The following ARHGEF10L variants were observed in gnomAD, a reference collection of about 807,000 sequenced individuals.
ARHGEF10L encodes the protein Rho guanine nucleotide exchange factor 10 like, also known as rho guanine nucleotide exchange factor 10-like protein.
A neutral mutation model predicts 141.2 loss-of-function variants in ARHGEF10L; 69 were observed. The observed-to-expected ratio is 0.49, with a 90% CI of 0.40 to 0.60. The LOEUF (loss-of-function observed/expected upper bound fraction) is 0.60. ARHGEF10L is among the 20% of genes least tolerant of loss of function. The probability of loss-of-function intolerance (pLI) is 0.00; values close to 1 mark genes in which losing one functional copy is unlikely to be tolerated. For missense variants in ARHGEF10L, 1,482 were observed against 1,734.3 expected, an observed-to-expected ratio of 0.85 and a Z score of 2.58; for synonymous variants, 711 against 718.5, an observed-to-expected ratio of 0.99 and a Z score of 0.17.
At chr1:17,527,576 G>T in the ARHGEF10L span, among the ~76,000 whole-genome samples, 1 of 152,108 alleles carries the variant, frequency 6.6e-6, no homozygotes, top group Admixed American at 6.6e-5. Context: ...GATTGAGCAG[G>T]TTAAATTCCC....
At chr1:17,629,711 C>G (rs968578045) in intron 15 of ARHGEF10L, among the ~76,000 whole-genome samples, 1 of 152,166 alleles carries the variant, frequency 6.6e-6, no homozygotes, top group African/African-American at 2.4e-5. Context: ...TCAGCCATCC[C>G]CCACACAAGC....
chr1:17,572,435 C>T (rs2078042186), intron 1 of ARHGEF10L, among the ~76,000 whole-genome samples: 1 of 152,134 alleles, frequency 6.6e-6, no homozygotes, highest in Non-Finnish European at 1.5e-5. Flanking sequence ...AGTTCCTGCC[C>T]AGGGCTGGGC....
intron 22 of ARHGEF10L, among the ~76,000 whole-genome samples, chr1:17,649,602 A>G (rs567013019): frequency 1.3e-5 from 2 of 152,322 alleles, no homozygotes; most frequent in African/African-American, 4.8e-5. Context: ...CTGGGAATAC[A>G]GTGGTGACTA....
Position 17,627,362 on chromosome 1 carries a change from G to A in ARHGEF10L, c.1443G>A (p.Pro481=), listed in dbSNP as rs767573177. 9 of 1,613,966 alleles carry A rather than the reference G, an allele frequency of 5.6e-6. No homozygotes were observed. Among genetic ancestry groups the A allele is most frequent in the Admixed American group, 1.7e-5 (1 of 60,008 alleles). Residue 481 remains proline (P), a synonymous_variant, in exon 15 of 29, where the codon CCG becomes CCA. Coordinates refer to ENST00000361221, the MANE Select transcript of ARHGEF10L (RefSeq NM_018125.4). This position sits in a 1 kb window ranked among gnomAD's most constrained non-coding sequence, Gnocchi z 4.0. ...TGAAGAACACCCCCAGGGGCCATCCGGACAGGCTGTCGCTGCAGCTGGCCC... is the reference window on the plus strand; with the variant it reads ...TGAAGAACACCCCCAGGGGCCATCCAGACAGGCTGTCGCTGCAGCTGGCCC... ...DMLKNTPRGH[P]DRLSLQLALT...
intron 27 of ARHGEF10L, chr1:17,689,778 A>G: frequency 2.2e-6 from 1 of 455,898 alleles, no homozygotes; most frequent in South Asian, 1.6e-5. Context: ...AGAAATGGAT[A>G]ATCTCATGGG....
rs1225566836 is a variant in ARHGEF10L at position 17,627,304 on chromosome 1, G to A, written c.1411-26G>A. 6.2e-7 allele frequency: 1 copy of A among 1,606,272 alleles called. No individual in the cohort carries two copies. The highest frequency in any genetic ancestry group is 1.1e-5 in the South Asian group (1 of 90,634). On this transcript the variant is annotated intron_variant, in intron 14 of 28. Coordinates refer to ENST00000361221, the MANE Select transcript of ARHGEF10L (RefSeq NM_018125.4). This position sits in a 1 kb window ranked among gnomAD's most constrained non-coding sequence, Gnocchi z 4.0. The stretch of plus-strand genomic sequence containing the variant: ...GGGTAGAGTTGGTCATGGGTGGGCT[G>A]CTCAGTCTCTGCTCTGACCTGGCAG...
intron 1 of ARHGEF10L, among the ~76,000 whole-genome samples, chr1:17,551,674 C>T (rs1013930480): frequency 6.6e-6 from 1 of 152,154 alleles, no homozygotes; most frequent in Non-Finnish European, 1.5e-5. Context: ...AAAAGGCTCT[C>T]GATTCCTAGG....
At chr1:17,689,889 G>A (rs1440406676) in intron 27 of ARHGEF10L, 13 of 455,442 alleles carry the variant, frequency 2.9e-5, no homozygotes, top group Middle Eastern at 3.2e-4. Context: ...GACAGACCTG[G>A]CTGTAGTTAG....
At chr1:17,695,700 C>G (rs2065445870) in intron 28 of ARHGEF10L, among the ~76,000 whole-genome samples, 1 of 152,228 alleles carries the variant, frequency 6.6e-6, no homozygotes, top group South Asian at 2.1e-4. Context: ...AGAGGAAGGT[C>G]TGCTCTGATC....
chr1:17,655,467 CCA>C (rs879518464), intron 23 of ARHGEF10L, among the ~76,000 whole-genome samples: 17,720 of 151,822 alleles, frequency 0.12, 1,292 homozygotes, highest in Non-Finnish European at 0.16. Context: ...ATCCATCCAT[CCA>C]TCCATCCATC....
At chr1:17,542,803 A>C (rs1347600305) in intron 1 of ARHGEF10L, among the ~76,000 whole-genome samples, 1 of 152,198 alleles carries the variant, frequency 6.6e-6, no homozygotes, top group African/African-American at 2.4e-5. Flanking sequence ...TGACTGTCGA[A>C]GGTCACTGCT....
intron 15 of ARHGEF10L, among the ~76,000 whole-genome samples, chr1:17,629,558 A>C (rs574362633): frequency 6.6e-6 from 1 of 151,926 alleles, no homozygotes; most frequent in African/African-American, 2.4e-5. Flanking sequence ...AGTTTATTTT[A>C]CCTGCTCCAG....
chr1:17,641,083 C>T (rs911786938), intron 21 of ARHGEF10L, among the ~76,000 whole-genome samples: 14 of 152,298 alleles, frequency 9.2e-5, no homozygotes, highest in African/African-American at 3.1e-4. Flanking sequence ...AGCCCAGTCT[C>T]GATCCCCATC....
chr1:17,522,789 C>A, the ARHGEF10L span, among the ~76,000 whole-genome samples: 1 of 152,078 alleles, frequency 6.6e-6, no homozygotes, highest in Middle Eastern at 3.4e-3. Flanking sequence ...ATTCACATCC[C>A]TCCCCCCTGG....
Position 17,573,238 on chromosome 1 carries a change from C to T in ARHGEF10L, c.-43-7315C>T, listed in dbSNP as rs956160418. On this transcript the variant is annotated intron_variant, in intron 1 of 28. Transcript: ENST00000361221. The surrounding 1 kb of genome is among the most constrained non-coding windows in gnomAD (Gnocchi z 4.8). ...GCTGCCTGCAGCCTAAACACACTCT[C>T]ATGCTAAGTGGCGAGGGCCCAGCAG... is the stretch of plus-strand genomic sequence containing the variant. Among the ~76,000 whole-genome samples the T allele has an allele frequency of 1.3e-5, 2 of 152,348 alleles. No homozygotes were observed. Among genetic ancestry groups the T allele is most frequent in the East Asian group, 3.9e-4 (2 of 5,170 alleles).
At chr1:17,610,163 A>G (rs974493087) in intron 7 of ARHGEF10L, among the ~76,000 whole-genome samples, 14 of 152,216 alleles carry the variant, frequency 9.2e-5, no homozygotes, top group African/African-American at 3.4e-4. Flanking sequence ...TCAGAACCAC[A>G]TGGGTAACTG....
chr1:17,638,481 C>T (rs904498559), intron 19 of ARHGEF10L, 81 bp from the exon 20 acceptor site: 22 of 1,577,360 alleles, frequency 1.4e-5, no homozygotes, highest in Non-Finnish European at 1.9e-5. Flanking sequence ...CTCTGGGGTG[C>T]TGTGATTCCT....
intron 1 of ARHGEF10L, among the ~76,000 whole-genome samples, chr1:17,541,224 A>G (rs1338769920): frequency 6.6e-6 from 1 of 151,826 alleles, no homozygotes; most frequent in African/African-American, 2.4e-5. Flanking sequence ...CCCATCCTTC[A>G]CCTCTTTCAT....
the ARHGEF10L span, among the ~76,000 whole-genome samples, chr1:17,525,315 T>TA: frequency 1.3e-5 from 2 of 152,204 alleles, no homozygotes; most frequent in African/African-American, 4.8e-5. Flanking sequence ...TTCTATCTGA[T>TA]AAAAAAGGTC....
Sources: allele counts gnomAD v4.1 joint callset (sites outside exome capture counted in the v4.1 genomes callset), GRCh38; gene constraint gnomAD v4.1.1; non-coding constraint Gnocchi (gnomAD v3.1); transcripts MANE v1.5; gene names NCBI Gene and HGNC (gene_info 2026-07-23, HGNC 2026-07-21).